The following PID1 variants were observed in gnomAD, a reference collection of about 807,000 sequenced individuals.
The protein encoded by PID1 is phosphotyrosine interaction domain containing 1.
A neutral mutation model predicts 19.1 loss-of-function variants in PID1; 10 were observed. That is an observed-to-expected ratio of 0.52 (90% CI 0.32 to 0.89). The LOEUF (loss-of-function observed/expected upper bound fraction) is 0.89, where lower values mean the gene tolerates loss of function less well. Ranked by LOEUF, PID1 falls within the 40% of genes least tolerant of loss-of-function variation. The pLI is 0.03. For missense variants in PID1, 248 were observed against 285.3 expected (o/e 0.87, Z 0.94); for synonymous variants, 130 against 116.0 (o/e 1.12, Z -0.78).
chr2:229,102,801 G>C (rs1202670859), intron 2 of PID1, among the ~76,000 whole-genome samples: 1 of 152,192 alleles, frequency 6.6e-6, no homozygotes, highest in Non-Finnish European at 1.5e-5. Flanking sequence ...GAGTGCCCTG[G>C]AAGGATCCAA....
chr2:229,030,959 T>A (rs920197077), intron 2 of PID1, among the ~76,000 whole-genome samples: 14 of 152,074 alleles, frequency 9.2e-5, no homozygotes, highest in Admixed American at 6.5e-4. Context: ...GGCTCACACC[T>A]ATAATCCCAG....
At chr2:229,110,567 T>C (rs1172368720) in intron 2 of PID1, among the ~76,000 whole-genome samples, 1 of 152,200 alleles carries the variant, frequency 6.6e-6, no homozygotes, top group Non-Finnish European at 1.5e-5. Context: ...ATCAAAGTGC[T>C]GCCAAACCTT....
At chr2:229,171,670 T>C (rs1461840507) in intron 1 of PID1, among the ~76,000 whole-genome samples, 1 of 152,212 alleles carries the variant, frequency 6.6e-6, no homozygotes, top group Non-Finnish European at 1.5e-5. Context: ...CTACGAAATG[T>C]CTGGCACATA....
intron 1 of PID1, among the ~76,000 whole-genome samples, chr2:229,157,028 C>T (rs540574275): frequency 6.6e-6 from 1 of 152,288 alleles, no homozygotes; most frequent in East Asian, 1.9e-4. Flanking sequence ...GACAGCCCTT[C>T]CTCATCAAAA....
In PID1 at chr2:229,037,114, T is replaced by C. The variant is rs1327033370; in HGVS notation, c.178-11006A>G. Among the ~76,000 whole-genome samples the C allele has an allele frequency of 5.3e-5, 8 of 152,336 alleles. No homozygotes were observed. In the South Asian group the frequency reaches 1.5e-3, roughly 28 times the overall value. ...GCACATGCCTTGGTTGGGAGATATT[T>C]ATTTCAGTAACTTTCCTAAGGCTAA... On this transcript the variant is annotated intron_variant, in intron 2 of 2. Transcript: ENST00000392055.
chr2:229,068,413 G>A (rs570075571), intron 2 of PID1, among the ~76,000 whole-genome samples: 10 of 150,084 alleles, frequency 6.7e-5, no homozygotes, highest in Admixed American at 2.0e-4. Flanking sequence ...TAGACTGTCC[G>A]GGTGTAACGA....
chr2:229,129,513 G>T (rs1473113419), intron 2 of PID1, among the ~76,000 whole-genome samples: 2 of 151,962 alleles, frequency 1.3e-5, no homozygotes, highest in Non-Finnish European at 2.9e-5. Context: ...TGTGACTATG[G>T]TAATAAGTAT....
At chr2:229,167,815 T>G (rs1443173118) in intron 1 of PID1, among the ~76,000 whole-genome samples, 2 of 152,178 alleles carry the variant, frequency 1.3e-5, no homozygotes, top group Non-Finnish European at 2.9e-5. Flanking sequence ...ACTATTGAAA[T>G]CTAACATTAT....
intron 2 of PID1, among the ~76,000 whole-genome samples, chr2:229,136,136 C>T (rs1016969928): frequency 6.6e-6 from 1 of 152,168 alleles, no homozygotes; most frequent in South Asian, 2.1e-4. Context: ...TTTTGAGTTG[C>T]TCCAGGAAAG....
At chr2:229,144,868 T>G (rs12479139) in intron 2 of PID1, among the ~76,000 whole-genome samples, 11,632 of 152,036 alleles carry the variant, frequency 0.077, 563 homozygotes, top group South Asian at 0.22. Context: ...TTTTCATCTC[T>G]GCAAGTATTG....
chr2:229,091,161 T>A (rs1433208467), intron 2 of PID1, among the ~76,000 whole-genome samples: 1 of 152,138 alleles, frequency 6.6e-6, no homozygotes, highest in Non-Finnish European at 1.5e-5. Flanking sequence ...AATACTATTA[T>A]GCAAATAGGG....
At chr2:229,079,542 C>T (rs1694629618) in intron 2 of PID1, among the ~76,000 whole-genome samples, 1 of 152,132 alleles carries the variant, frequency 6.6e-6, no homozygotes, top group Non-Finnish European at 1.5e-5. Flanking sequence ...CAATTTGTTT[C>T]CCCAGTTCTC....
At chr2:229,232,087 C>A in intron 1 of PID1, 1 of 1,505,130 alleles carries the variant, frequency 6.6e-7, no homozygotes, top group Non-Finnish European at 8.9e-7. Flanking sequence ...GCTTTTCATT[C>A]CATTCAAGAG....
At chr2:229,201,032 C>T (rs1691488552) in intron 1 of PID1, among the ~76,000 whole-genome samples, 1 of 152,032 alleles carries the variant, frequency 6.6e-6, no homozygotes, top group Non-Finnish European at 1.5e-5. Flanking sequence ...CCACCATGTT[C>T]AAACCAAAAC....
intron 2 of PID1, among the ~76,000 whole-genome samples, chr2:229,105,108 A>G (rs1381392456): frequency 6.6e-6 from 1 of 152,192 alleles, no homozygotes; most frequent in Non-Finnish European, 1.5e-5. Context: ...TTATTGGCCA[A>G]TAGACTTTTG....
chr2:229,038,234 TA>T (rs1693702339), intron 2 of PID1, among the ~76,000 whole-genome samples: 1 of 152,192 alleles, frequency 6.6e-6, no homozygotes, highest in African/African-American at 2.4e-5. Flanking sequence ...TAAAAACCTT[TA>T]CATGAATGTT....
intron 2 of PID1, among the ~76,000 whole-genome samples, chr2:229,086,421 A>G (rs145730989): frequency 1.6e-4 from 24 of 152,298 alleles, no homozygotes; most frequent in African/African-American, 5.5e-4. Flanking sequence ...ACAGAAAGTG[A>G]AAAACAAAAT....
rs561102516 is a variant in PID1, at chr2:229,131,365, G to C, written c.177+24453C>G. Among the ~76,000 whole-genome samples the C allele has an allele frequency of 1.7e-3, 255 of 151,988 alleles. 1 individual carries two copies. The highest frequency in any genetic ancestry group is 5.9e-3 in the African/African-American group (246 of 41,452). On this transcript the variant is annotated intron_variant, in intron 2 of 2. Transcript: ENST00000392055. ...CCTGCCTCAGCCTCCCAAGTAGCTG[G>C]GACTACAGGCATGTGCCACCACACC...
intron 1 of PID1, among the ~76,000 whole-genome samples, chr2:229,160,738 G>A (rs1312276894): frequency 6.6e-6 from 1 of 152,078 alleles, no homozygotes; most frequent in Non-Finnish European, 1.5e-5. Flanking sequence ...CTTTAAAACG[G>A]GTACCTTCAA....
Sources: allele counts gnomAD v4.1 joint callset (sites outside exome capture counted in the v4.1 genomes callset), GRCh38; gene constraint gnomAD v4.1.1; transcripts MANE v1.5; gene names NCBI Gene and HGNC (gene_info 2026-07-23, HGNC 2026-07-21).